Variants in PCDHA5 observed in about 807,000 individuals in gnomAD.
PCDHA5 encodes protocadherin alpha 5.
PCDHA5 carries 43 observed loss-of-function variants against 61.6 expected under a neutral mutation model. The observed-to-expected ratio is 0.70, with a 90% CI of 0.55 to 0.90. The LOEUF (loss-of-function observed/expected upper bound fraction) is 0.90, where lower values mean the gene tolerates loss of function less well. PCDHA5 is among the 40% of genes least tolerant of loss of function. The pLI, the probability that PCDHA5 is intolerant of heterozygous loss-of-function variation, is 0.00. For synonymous variants in PCDHA5, 627 were observed against 543.9 expected, an observed-to-expected ratio of 1.15 and a Z score of -2.13; for missense variants, 1,298 against 1,222.7, an observed-to-expected ratio of 1.06 and a Z score of -0.92.
intron 1 of PCDHA5, among the ~76,000 whole-genome samples, chr5:140,973,163 G>A (rs1473284872): frequency 1.3e-5 from 2 of 152,166 alleles, no homozygotes; most frequent in African/African-American, 4.8e-5. Context: ...GCAATTTGTA[G>A]TCACCAAACC....
intron 1 of PCDHA5, chr5:140,875,653 C>G (rs1554167829): frequency 1.2e-6 from 2 of 1,613,682 alleles, no homozygotes; most frequent in Non-Finnish European, 8.5e-7. Context: ...GGAGCTGGTG[C>G]CGCGCCTGTT....
rs1419215366 is a variant in PCDHA5, at chr5:141,010,888, T to G, written c.*951T>G. 2 of 153,748 alleles carry G rather than the reference T, an allele frequency of 1.3e-5. No homozygotes were observed. The highest frequency in any genetic ancestry group is 2.9e-5 in the Non-Finnish European group (2 of 68,032). The allele number at this position is 153,748 out of a possible 1,614,324, so 9.5% of individuals were successfully genotyped here. On this transcript the variant is annotated 3_prime_UTR_variant, in exon 4 of 4. Coordinates refer to ENST00000529859, the MANE Select transcript of PCDHA5 (RefSeq NM_018908.3). Reference sequence around the variant, plus strand: ...AGCTATAAATCTTTAAAGAGAAATATGAATACAATTCCCCTAAACTCTCCT... The same window carrying G: ...AGCTATAAATCTTTAAAGAGAAATAGGAATACAATTCCCCTAAACTCTCCT...
At chr5:140,945,377 C>T (rs1183566005) in intron 1 of PCDHA5, among the ~76,000 whole-genome samples, 3 of 151,814 alleles carry the variant, frequency 2.0e-5, no homozygotes, top group African/African-American at 7.3e-5. Context: ...CCATATTACC[C>T]AAAGCAATAT....
At chr5:140,929,207 G>A (rs782298445) in intron 1 of PCDHA5, 6 of 1,614,104 alleles carry the variant, frequency 3.7e-6, no homozygotes, top group East Asian at 2.2e-5. Flanking sequence ...TTGCTGTTGC[G>A]TGGGGAGTAC....
intron 1 of PCDHA5, among the ~76,000 whole-genome samples, chr5:140,957,475 A>G (rs2095362490): frequency 6.6e-6 from 1 of 152,192 alleles, no homozygotes; most frequent in Non-Finnish European, 1.5e-5. Flanking sequence ...ATGTATAGGA[A>G]AAAACATAGT....
intron 1 of PCDHA5, chr5:140,867,266 A>G (rs553827522): frequency 2.6e-5 from 4 of 152,196 alleles, no homozygotes; most frequent in African/African-American, 9.6e-5. Flanking sequence ...CTTTTGTTCA[A>G]AATAAACCTG....
chr5:140,981,694 A>C (rs1407083166), intron 2 of PCDHA5, among the ~76,000 whole-genome samples: 1 of 151,154 alleles, frequency 6.6e-6, no homozygotes, highest in Non-Finnish European at 1.5e-5. Context: ...TCCATCATTC[A>C]TTCATTCATT....
At position 140,832,752 on chromosome 5, in the gene PCDHA5, A is replaced by T. The variant is rs2150203756; in HGVS notation, c.2352+8625A>T. Among the ~76,000 whole-genome samples the T allele has an allele frequency of 2.0e-5, 3 of 152,322 alleles. No individual in the cohort carries two copies. In the East Asian group the frequency reaches 5.8e-4, roughly 29 times the overall value. ...ATCCTACATAAATACGATGATAGTA[A>T]AAGCAAGAATATTGTAAGAGGTGCT... is the stretch of plus-strand genomic sequence containing the variant. On this transcript the variant is annotated intron_variant, in intron 1 of 3. Coordinates refer to ENST00000529859, the MANE Select transcript of PCDHA5 (RefSeq NM_018908.3).
chr5:140,851,054 T>G, intron 1 of PCDHA5: 1 of 1,379,124 alleles, frequency 7.3e-7, no homozygotes, highest in Non-Finnish European at 9.5e-7. Context: ...GACTTTGTCT[T>G]GACTTCTAGT....
chr5:140,860,414 C>T (rs1180297544), intron 1 of PCDHA5: 1 of 152,016 alleles, frequency 6.6e-6, no homozygotes, highest in Non-Finnish European at 1.5e-5. Flanking sequence ...ATAGTAACAC[C>T]ATTATCCTGC....
chr5:140,842,481 G>T (rs1554139090), intron 1 of PCDHA5: 1 of 1,613,806 alleles, frequency 6.2e-7, no homozygotes, highest in East Asian at 2.2e-5. Flanking sequence ...CAGGTGACCT[G>T]CTCCCTGATG....
chr5:140,889,103 T>C (rs1554183781), intron 1 of PCDHA5, among the ~76,000 whole-genome samples: 2 of 151,990 alleles, frequency 1.3e-5, no homozygotes. Flanking sequence ...TTTTTTCATC[T>C]TTATTCCAGG....
intron 1 of PCDHA5, among the ~76,000 whole-genome samples, chr5:140,923,301 G>C (rs1554201374): frequency 6.6e-6 from 1 of 152,206 alleles, no homozygotes; most frequent in African/African-American, 2.4e-5. Context: ...AGCTGGGCGT[G>C]GGGGCGCTTG....
At chr5:140,934,363 T>C (rs1354531260) in intron 1 of PCDHA5, among the ~76,000 whole-genome samples, 3 of 152,170 alleles carry the variant, frequency 2.0e-5, no homozygotes, top group African/African-American at 7.2e-5. Context: ...GCCACTGCTT[T>C]GACTCCTTCT....
intron 3 of PCDHA5, among the ~76,000 whole-genome samples, chr5:141,000,501 C>G (rs1252221313): frequency 2.1e-5 from 3 of 139,584 alleles, no homozygotes; most frequent in Admixed American, 7.5e-5. Flanking sequence ...GATCTCGGCT[C>G]ACTGCAACCT....
At position 140,821,636 on chromosome 5, in the gene PCDHA5, A is replaced by G. The variant is rs1054964805; in HGVS notation, c.-140A>G. On this transcript the variant is annotated 5_prime_UTR_variant, in exon 1 of 4. Coordinates refer to ENST00000529859, the MANE Select transcript of PCDHA5 (RefSeq NM_018908.3). ...GTAGATTTTCCTTAGACAGAAAGGA[A>G]AAGAACCTTCCATTTTTGGCTGTGC... 20 of 1,021,456 alleles carry G rather than the reference A, an allele frequency of 2.0e-5. No individual in the cohort carries two copies. In the African/African-American group the frequency reaches 2.9e-4, roughly 15 times the overall value. 63.3% of individuals were successfully genotyped at this position (1,021,456 alleles called of 1,614,324 possible). A position where few individuals can be genotyped will look rare whatever the true frequency, so the allele number is the denominator to read the frequency against.
In PCDHA5 at chr5:140,853,662, T is replaced by C. The variant is rs1319921056; in HGVS notation, c.2352+29535T>C. The C allele has an allele frequency of 3.4e-5, 34 of 988,522 alleles. 1 individual carries two copies. In the African/African-American group the frequency reaches 3.9e-4, roughly 11 times the overall value. 61.2% of individuals were successfully genotyped at this position (988,522 alleles called of 1,614,324 possible). ...CTAAATTGAGCCTGTTCCAGACAAA[T>C]TGGGGCCTATGGTCAACCTATCCTT... On this transcript the variant is annotated intron_variant, in intron 1 of 3. Coordinates refer to ENST00000529859, the MANE Select transcript of PCDHA5 (RefSeq NM_018908.3).
intron 3 of PCDHA5, among the ~76,000 whole-genome samples, chr5:141,002,946 G>A (rs2098104148): frequency 6.6e-6 from 1 of 152,180 alleles, no homozygotes; most frequent in African/African-American, 2.4e-5. Flanking sequence ...TCCAGCACAT[G>A]CCCCTCTGAG....
rs189155751 is a variant in PCDHA5 at position 140,943,432 on chromosome 5, T to C, written c.2353-35517T>C. 2.8e-3 allele frequency among the ~76,000 whole-genome samples: 419 copies of C among 152,174 alleles called. 2 individuals carry two copies. The highest frequency in any genetic ancestry group is 0.014 in the Middle Eastern group (4 of 294). Reference sequence around the variant, plus strand: ...ACTAGAGGCAAGGGCTTTAATATGATATAAAGGATAGAATTGATAAGGCTA... The same window carrying C: ...ACTAGAGGCAAGGGCTTTAATATGACATAAAGGATAGAATTGATAAGGCTA... On this transcript the variant is annotated intron_variant, in intron 1 of 3. Coordinates refer to ENST00000529859, the MANE Select transcript of PCDHA5 (RefSeq NM_018908.3).
Sources: gnomAD v4.1 joint callset for allele counts (sites outside exome capture counted in the v4.1 genomes callset) on GRCh38, gnomAD v4.1.1 for gene constraint, MANE v1.5 for transcripts, NCBI Gene and HGNC (gene_info 2026-07-23, HGNC 2026-07-21) for gene names.